The following LSAMP variants were observed in gnomAD, a reference collection of about 807,000 sequenced individuals.
LSAMP encodes limbic system-associated membrane protein.
Under a neutral mutation model 38.6 loss-of-function variants are expected in LSAMP, and 7 were observed. The ratio of observed to expected loss-of-function variants is 0.18; its 90% CI spans 0.10 to 0.34. LSAMP has a LOEUF of 0.34. Among genes scored for constraint, LSAMP ranks in the 10% least tolerant of loss-of-function variants. The probability of loss-of-function intolerance (pLI) is 1.00; values close to 1 mark genes in which losing one functional copy is unlikely to be tolerated. For synonymous variants in LSAMP, 154 were observed against 166.8 expected, an observed-to-expected ratio of 0.92 and a Z score of 0.59; for missense variants, 313 against 420.0, an observed-to-expected ratio of 0.75 and a Z score of 2.23.
At chr3:115,813,220 C>A (rs999713543) in intron 6 of LSAMP, among the ~76,000 whole-genome samples, 1 of 151,974 alleles carries the variant, frequency 6.6e-6, no homozygotes, top group Non-Finnish European at 1.5e-5. Context: ...CAAAGATGAA[C>A]CACGTATACA....
At chr3:115,854,282 A>ATTTTT (rs35263381) in intron 3 of LSAMP, among the ~76,000 whole-genome samples, 4 of 107,028 alleles carry the variant, frequency 3.7e-5, no homozygotes, top group East Asian at 2.8e-4. Context: ...TATTATTATT[A>ATTTTT]TTTTTTTTTT....
intron 3 of LSAMP, among the ~76,000 whole-genome samples, chr3:115,938,338 G>A (rs986280067): frequency 2.0e-5 from 3 of 152,036 alleles, no homozygotes; most frequent in African/African-American, 7.2e-5. Context: ...AATGTTTGTG[G>A]AATAAGTTTT....
At chr3:116,175,974 C>T (rs748133659) in intron 1 of LSAMP, among the ~76,000 whole-genome samples, 24 of 152,200 alleles carry the variant, frequency 1.6e-4, no homozygotes, top group African/African-American at 3.9e-4. Context: ...AACACAGAAT[C>T]GTAAAAATTA....
At chr3:116,204,252 GT>G (rs1196404868) in intron 1 of LSAMP, among the ~76,000 whole-genome samples, 2 of 150,164 alleles carry the variant, frequency 1.3e-5, no homozygotes, top group Admixed American at 6.6e-5. Flanking sequence ...GGGGTTGTTT[GT>G]TTTTTTCTTG....
chr3:116,124,039 T>A (rs982746976), intron 1 of LSAMP, among the ~76,000 whole-genome samples: 8 of 152,212 alleles, frequency 5.3e-5, no homozygotes, highest in Non-Finnish European at 1.0e-4. Flanking sequence ...GTTGACTCTC[T>A]AGGCAGAGAA....
intron 1 of LSAMP, among the ~76,000 whole-genome samples, chr3:116,231,708 G>T (rs187912175): frequency 6.6e-6 from 1 of 152,176 alleles, no homozygotes; most frequent in Non-Finnish European, 1.5e-5. Context: ...AAAGAGAGGG[G>T]ACACTGTGGG....
chr3:116,233,137 GCAGGCACATTTCAATTAAGAAA>G, intron 1 of LSAMP, among the ~76,000 whole-genome samples: 1 of 152,050 alleles, frequency 6.6e-6, no homozygotes, highest in South Asian at 2.1e-4. Flanking sequence ...GAAAAAATGT[GCAGGCACATTTCAATTAAGAAA>G]TGATGGCACT....
chr3:115,839,377 G>A (rs1265259384), intron 6 of LSAMP, among the ~76,000 whole-genome samples: 2 of 145,114 alleles, frequency 1.4e-5, no homozygotes, highest in Non-Finnish European at 3.0e-5. Context: ...TTAGAACTCT[G>A]TGAAATATAA....
At chr3:115,936,757 A>G (rs1463693353) in intron 3 of LSAMP, among the ~76,000 whole-genome samples, 1 of 152,122 alleles carries the variant, frequency 6.6e-6, no homozygotes, top group African/African-American at 2.4e-5. Flanking sequence ...GTCCTGCAAT[A>G]TTCTGGGCAC....
At chr3:115,864,419 G>A (rs1226745239) in intron 3 of LSAMP, among the ~76,000 whole-genome samples, 1 of 152,110 alleles carries the variant, frequency 6.6e-6, no homozygotes, top group African/African-American at 2.4e-5. Context: ...TTTTATAGCT[G>A]ACTAATAGCC....
chr3:115,878,557 C>G (rs1914046), intron 3 of LSAMP, among the ~76,000 whole-genome samples: 86,304 of 146,126 alleles, frequency 0.59, 25,512 homozygotes, highest in Middle Eastern at 0.75. Flanking sequence ...CGCTTCCTGG[C>G]TTCAAGCGAT....
At chr3:116,336,989 T>C (rs557141423) in intron 1 of LSAMP, among the ~76,000 whole-genome samples, 1 of 151,254 alleles carries the variant, frequency 6.6e-6, no homozygotes, top group African/African-American at 2.4e-5. Flanking sequence ...GGATATTAAG[T>C]CTTGAAAAAA....
intron 2 of LSAMP, among the ~76,000 whole-genome samples, chr3:116,041,295 T>C (rs759664991): frequency 6.6e-5 from 10 of 152,122 alleles, no homozygotes; most frequent in Non-Finnish European, 1.3e-4. Context: ...AAAAGAAGAA[T>C]ATATAACAAA....
intron 1 of LSAMP, among the ~76,000 whole-genome samples, chr3:116,338,248 T>C (rs925547992): frequency 3.3e-5 from 5 of 152,018 alleles, no homozygotes; most frequent in Admixed American, 6.6e-5. Context: ...AAGCTGAGTT[T>C]GCCTTTCCTA....
chr3:116,430,447 T>C (rs1480375418), intron 1 of LSAMP, among the ~76,000 whole-genome samples: 2 of 152,162 alleles, frequency 1.3e-5, no homozygotes, highest in Non-Finnish European at 2.9e-5. Context: ...TTCTACTCCA[T>C]AAAGATGTTT....
chr3:116,427,109 C>CTTTTTTTT (rs758726064), intron 1 of LSAMP, among the ~76,000 whole-genome samples: 5 of 95,394 alleles, frequency 5.2e-5, no homozygotes, highest in Admixed American at 1.2e-4. Flanking sequence ...CTCTTTCTTT[C>CTTTTTTTT]TTTTTTTTTT....
At chr3:115,937,393 C>A (rs1937739775) in intron 3 of LSAMP, among the ~76,000 whole-genome samples, 1 of 152,032 alleles carries the variant, frequency 6.6e-6, no homozygotes, top group African/African-American at 2.4e-5. Flanking sequence ...GTAATCTCAG[C>A]ATGTTGGGAT....
chr3:116,085,644 G>A (rs1476570648), intron 2 of LSAMP, among the ~76,000 whole-genome samples: 5 of 152,118 alleles, frequency 3.3e-5, no homozygotes, highest in Non-Finnish European at 4.4e-5. Context: ...ACCCAATTGA[G>A]CAACAGTTTG....
At chr3:116,157,772 A>T (rs1301620612) in intron 1 of LSAMP, among the ~76,000 whole-genome samples, 1 of 152,080 alleles carries the variant, frequency 6.6e-6, no homozygotes, top group Non-Finnish European at 1.5e-5. Flanking sequence ...ATTCTACTAG[A>T]TATATAAAGA....
Sources: allele counts gnomAD v4.1 joint callset (sites outside exome capture counted in the v4.1 genomes callset), GRCh38; gene constraint gnomAD v4.1.1; transcripts MANE v1.5; gene names NCBI Gene and HGNC (gene_info 2026-07-23, HGNC 2026-07-21).